The following SGCZ variants were observed in gnomAD, a reference collection of about 807,000 sequenced individuals.
The protein encoded by SGCZ is zeta-sarcoglycan.
A neutral mutation model predicts 41.3 loss-of-function variants in SGCZ; 40 were observed. That is an observed-to-expected ratio of 0.97 (90% CI 0.75 to 1.26). The LOEUF (loss-of-function observed/expected upper bound fraction) is 1.26, where lower values mean the gene tolerates loss of function less well. Ranked by LOEUF, SGCZ falls within the 50% of genes most tolerant of loss-of-function variation. The probability of loss-of-function intolerance (pLI) is 0.00; values close to 1 mark genes in which losing one functional copy is unlikely to be tolerated. For missense variants in SGCZ, 552 were observed against 369.8 expected (o/e 1.49, Z -4.04); for synonymous variants, 206 against 137.5 (o/e 1.50, Z -3.49).
At chr8:14,677,053 A>G (rs1808300845) in intron 1 of SGCZ, among the ~76,000 whole-genome samples, 1 of 152,094 alleles carries the variant, frequency 6.6e-6, no homozygotes, top group Admixed American at 6.5e-5. Flanking sequence ...ATAATTGTCT[A>G]TGTAGAAAAT....
chr8:14,218,918 A>G (rs1475319691), intron 4 of SGCZ, among the ~76,000 whole-genome samples: 2 of 152,232 alleles, frequency 1.3e-5, no homozygotes, highest in African/African-American at 4.8e-5. Flanking sequence ...GAGTGCAGTC[A>G]TCAAAGCTGA....
intron 1 of SGCZ, among the ~76,000 whole-genome samples, chr8:14,845,090 C>G (rs573042530): frequency 6.6e-6 from 1 of 152,216 alleles, no homozygotes; most frequent in Admixed American, 6.5e-5. Context: ...CAGTATTCAC[C>G]TGATCAGTAA....
intron 1 of SGCZ, among the ~76,000 whole-genome samples, chr8:14,745,242 G>GT (rs1286507643): frequency 1.3e-5 from 2 of 151,974 alleles, no homozygotes; most frequent in South Asian, 4.1e-4. Context: ...AAACACATGT[G>GT]TTAGTTGCCA....
At chr8:14,730,859 A>C (rs1334337022) in intron 1 of SGCZ, among the ~76,000 whole-genome samples, 1 of 151,882 alleles carries the variant, frequency 6.6e-6, no homozygotes, top group Non-Finnish European at 1.5e-5. Flanking sequence ...ACCAGTTAGA[A>C]TGGCGATCAA....
At position 14,728,443 on chromosome 8, in the gene SGCZ, T is replaced by C. The variant is rs146779176; in HGVS notation, c.40-173517A>G. Among the ~76,000 whole-genome samples the C allele has an allele frequency of 6.2e-3, 940 of 150,750 alleles. 4 individuals carry two copies. Among genetic ancestry groups the C allele is most frequent in the Non-Finnish European group, 9.5e-3 (646 of 67,784 alleles). ...GCAGTAAAAAGCAAACAAAAATATC[T>C]TTGACAATGATCGTCAAATAAACAA... On this transcript the variant is annotated intron_variant, in intron 1 of 7. Coordinates refer to ENST00000382080, the MANE Select transcript of SGCZ (RefSeq NM_139167.4).
At chr8:15,232,808 CAT>C (rs1347174382) in intron 1 of SGCZ, among the ~76,000 whole-genome samples, 3 of 141,558 alleles carry the variant, frequency 2.1e-5, no homozygotes, top group Non-Finnish European at 4.5e-5. Context: ...TATATACACA[CAT>C]ATATATATTT....
intron 2 of SGCZ, among the ~76,000 whole-genome samples, chr8:14,460,818 T>C (rs867785317): frequency 3.9e-5 from 6 of 152,308 alleles, no homozygotes; most frequent in African/African-American, 1.2e-4. Context: ...GTATTCAATT[T>C]AGATACTTGT....
At chr8:14,229,330 C>T (rs1337841586) in intron 4 of SGCZ, among the ~76,000 whole-genome samples, 1 of 152,046 alleles carries the variant, frequency 6.6e-6, no homozygotes, top group African/African-American at 2.4e-5. Context: ...AGTGTCTTTC[C>T]TTCAGACATA....
Position 14,622,123 on chromosome 8 carries a change from C to G in SGCZ, c.40-67197G>C, listed in dbSNP as rs982227488. ...AGAAGAGGTACCAAGATTCAGCCCT[C>G]CAATGAGAAGAGGTTCATGGGAGAA... is the stretch of plus-strand genomic sequence containing the variant. On this transcript the variant is annotated intron_variant, in intron 1 of 7. Transcript: ENST00000382080. Among the ~76,000 whole-genome samples, 3 of 152,184 alleles carry G rather than the reference C, an allele frequency of 2.0e-5. No individual in the cohort carries two copies. In the South Asian group the frequency reaches 6.2e-4, roughly 32 times the overall value.
At chr8:14,869,382 T>C (rs528984939) in intron 1 of SGCZ, among the ~76,000 whole-genome samples, 1 of 152,292 alleles carries the variant, frequency 6.6e-6, no homozygotes, top group East Asian at 1.9e-4. Flanking sequence ...TCGATGAAAT[T>C]CAACACCGCT....
At chr8:15,068,639 T>G (rs1258327811) in intron 1 of SGCZ, among the ~76,000 whole-genome samples, 1 of 152,110 alleles carries the variant, frequency 6.6e-6, no homozygotes, top group African/African-American at 2.4e-5. Context: ...ACATAACACA[T>G]CCTTGCAAAG....
intron 1 of SGCZ, among the ~76,000 whole-genome samples, chr8:14,581,533 G>C (rs1804889041): frequency 6.6e-6 from 1 of 151,546 alleles, no homozygotes; most frequent in African/African-American, 2.4e-5. Flanking sequence ...ACCTTCCCAA[G>C]CCCACAACAT....
At chr8:14,729,895 GCCAACA>G (rs1261721633) in intron 1 of SGCZ, among the ~76,000 whole-genome samples, 7 of 152,140 alleles carry the variant, frequency 4.6e-5, no homozygotes, top group Non-Finnish European at 1.0e-4. Flanking sequence ...GACCAGCCTG[GCCAACA>G]TGGTGAAACC....
At chr8:14,507,957 G>C (rs1055732586) in intron 2 of SGCZ, among the ~76,000 whole-genome samples, 3 of 151,930 alleles carry the variant, frequency 2.0e-5, no homozygotes, top group Admixed American at 6.6e-5. Context: ...TTTTAGTAGA[G>C]ACGGGGTTTT....
chr8:14,552,130 A>G (rs943719046), intron 2 of SGCZ, among the ~76,000 whole-genome samples: 25 of 152,014 alleles, frequency 1.6e-4, no homozygotes, highest in Non-Finnish European at 4.4e-5. Context: ...AGTCTTTGGT[A>G]TTCTCTGTAG....
chr8:14,734,975 T>C (rs905625401), intron 1 of SGCZ, among the ~76,000 whole-genome samples: 4 of 152,196 alleles, frequency 2.6e-5, no homozygotes, highest in Non-Finnish European at 4.4e-5. Flanking sequence ...TTGTTATCTA[T>C]GTAGTGGAGT....
intron 1 of SGCZ, among the ~76,000 whole-genome samples, chr8:15,085,901 A>G (rs979227578): frequency 1.3e-5 from 2 of 152,134 alleles, no homozygotes; most frequent in South Asian, 2.1e-4. Context: ...CCTGTTGGGT[A>G]CAAAAACCAT....
chr8:14,404,032 G>C (rs1799146918), intron 2 of SGCZ, among the ~76,000 whole-genome samples: 1 of 152,036 alleles, frequency 6.6e-6, no homozygotes, highest in African/African-American at 2.4e-5. Context: ...ATGGAGGAGG[G>C]GGGCCAACAA....
At chr8:14,764,764 T>C (rs909417082) in intron 1 of SGCZ, among the ~76,000 whole-genome samples, 2 of 152,172 alleles carry the variant, frequency 1.3e-5, no homozygotes, top group Non-Finnish European at 2.9e-5. Flanking sequence ...AACTTAAATA[T>C]GGTCTAAAAA....
Sources: allele counts gnomAD v4.1 joint callset (sites outside exome capture counted in the v4.1 genomes callset), GRCh38; gene constraint gnomAD v4.1.1; transcripts MANE v1.5; gene names NCBI Gene and HGNC (gene_info 2026-07-23, HGNC 2026-07-21).